Variants in RGS7 observed in about 807,000 individuals in gnomAD.
RGS7 encodes regulator of G protein signaling 7.
In RGS7, 27 loss-of-function variants were observed where a neutral mutation model predicts 81.1. The ratio of observed to expected loss-of-function variants is 0.33; its 90% CI spans 0.25 to 0.46. The LOEUF (loss-of-function observed/expected upper bound fraction) is 0.46, where lower values mean the gene tolerates loss of function less well. Among genes scored for constraint, RGS7 ranks in the 20% least tolerant of loss-of-function variants. The pLI is 1.00. For missense variants in RGS7, 396 were observed against 607.4 expected (o/e 0.65, Z 3.66); for synonymous variants, 208 against 207.7 (o/e 1.00, Z -0.01).
intron 2 of RGS7, among the ~76,000 whole-genome samples, chr1:241,319,881 A>G (rs2081110254): frequency 6.6e-6 from 1 of 152,222 alleles, no homozygotes; most frequent in South Asian, 2.1e-4. Flanking sequence ...TCACGAGGTC[A>G]GGAGTTCGAG....
Position 240,972,711 on chromosome 1 carries a change from C to A in RGS7, c.226+10368G>T, listed in dbSNP as rs12562261. ...TAAAGTATAATAAAAAAAAAAAAAA[C>A]AAAAAAAAAAACCCAAAAAGGTGCA... On this transcript the variant is annotated intron_variant, in intron 4 of 18. Transcript: ENST00000440928. 5.4e-3 allele frequency among the ~76,000 whole-genome samples: 607 copies of A among 113,134 alleles called. 3 individuals are homozygous for A. The highest frequency in any genetic ancestry group is 0.017 in the African/African-American group (522 of 30,550). The allele number at this position is 113,134 out of a possible 152,430, so 74.2% of individuals were successfully genotyped here.
At chr1:241,174,964 G>T (rs1476595786) in intron 2 of RGS7, among the ~76,000 whole-genome samples, 1 of 131,920 alleles carries the variant, frequency 7.6e-6, no homozygotes, top group African/African-American at 2.8e-5. Context: ...GTGCAGTGGC[G>T]CAATCTCGGC....
chr1:240,824,034 T>C (rs112345499), intron 10 of RGS7, among the ~76,000 whole-genome samples: 5,515 of 152,238 alleles, frequency 0.036, 317 homozygotes, highest in African/African-American at 0.12. Flanking sequence ...TTCCTTATAT[T>C]GTAGTAAAGT....
At chr1:241,324,345 A>AAC (rs2081375447) in intron 2 of RGS7, among the ~76,000 whole-genome samples, 1 of 151,252 alleles carries the variant, frequency 6.6e-6, no homozygotes. Context: ...AAAAAAACAA[A>AAC]AAAAAAAGCA....
rs1048482731 is a variant in RGS7, at chr1:241,266,021, C to T, written c.78+89678G>A. 4.6e-5 allele frequency among the ~76,000 whole-genome samples: 7 copies of T among 151,984 alleles called. No individual in the cohort carries two copies. In the East Asian group the frequency reaches 5.8e-4, roughly 13 times the overall value. The stretch of plus-strand genomic sequence containing the variant: ...GTTGGTCAGGCTGGTCTCGAACTCC[C>T]GACCTCAGGTGATCCACCTACCTCG... On this transcript the variant is annotated intron_variant, in intron 2 of 18. Transcript: ENST00000440928.
At chr1:240,879,786 T>C (rs1301128824) in intron 6 of RGS7, among the ~76,000 whole-genome samples, 1 of 152,206 alleles carries the variant, frequency 6.6e-6, no homozygotes, top group African/African-American at 2.4e-5. Flanking sequence ...CTCCAGTCTT[T>C]CCAACTTTTT....
chr1:241,255,614 G>C (rs2148243421), intron 2 of RGS7, among the ~76,000 whole-genome samples: 1 of 152,314 alleles, frequency 6.6e-6, no homozygotes, highest in Non-Finnish European at 1.5e-5. Flanking sequence ...CCACCATCCT[G>C]GTTGAAGCAG....
At chr1:241,016,660 G>A (rs1227070336) in intron 3 of RGS7, among the ~76,000 whole-genome samples, 1 of 152,060 alleles carries the variant, frequency 6.6e-6, no homozygotes, top group African/African-American at 2.4e-5. Context: ...GAGAGACCTG[G>A]GACTAGAGTA....
At chr1:240,831,884 G>A (rs777836525) in intron 9 of RGS7, among the ~76,000 whole-genome samples, 25 of 152,022 alleles carry the variant, frequency 1.6e-4, no homozygotes, top group Non-Finnish European at 2.8e-4. Context: ...TGATCCACCC[G>A]CCTTGGCCTC....
At chr1:241,063,911 C>T (rs762613785) in intron 3 of RGS7, among the ~76,000 whole-genome samples, 3 of 152,116 alleles carry the variant, frequency 2.0e-5, no homozygotes, top group South Asian at 4.1e-4. Flanking sequence ...AAGCCGGGCG[C>T]GGTGGCTCAC....
At chr1:241,097,525 T>C (rs886868570) in intron 3 of RGS7, among the ~76,000 whole-genome samples, 1 of 152,080 alleles carries the variant, frequency 6.6e-6, no homozygotes, top group African/African-American at 2.4e-5. Flanking sequence ...ATCATGAATA[T>C]TCTCTTGATC....
chr1:241,305,812 G>T, intron 2 of RGS7: 1 of 294,552 alleles, frequency 3.4e-6, no homozygotes. Context: ...CCGCTTGGCT[G>T]TGCCTTGGTT....
chr1:240,952,582 G>A (rs559429413), intron 4 of RGS7, among the ~76,000 whole-genome samples: 1 of 152,018 alleles, frequency 6.6e-6, no homozygotes, highest in Non-Finnish European at 1.5e-5. Flanking sequence ...AAAAAGAAGG[G>A]GGGAAAAGAC....
rs1363606149 is a variant in RGS7, at chr1:240,868,108, A to AAAG, written c.609+478_609+479insCTT. ...AAAAAGAAAGAAAAGAAAAAGAAAG[A>AAAG]AAAGAAAAGGAAAGAAAGAAAGAAA... On this transcript the variant is annotated intron_variant, in intron 9 of 18. Transcript: ENST00000440928. The surrounding 1 kb of genome is among the most constrained non-coding windows in gnomAD (Gnocchi z 5.1). Among the ~76,000 whole-genome samples the AAAG allele has an allele frequency of 3.0e-5, 3 of 98,486 alleles. No homozygotes were observed. Among genetic ancestry groups the AAAG allele is most frequent in the Non-Finnish European group, 4.4e-5 (2 of 45,360 alleles). The allele number at this position is 98,486 out of a possible 152,430, so 64.6% of individuals were successfully genotyped here. A position where few individuals can be genotyped will look rare whatever the true frequency, so the allele number is the denominator to read the frequency against.
intron 9 of RGS7, among the ~76,000 whole-genome samples, chr1:240,838,382 T>C (rs1449203350): frequency 6.6e-6 from 1 of 152,178 alleles, no homozygotes; most frequent in Non-Finnish European, 1.5e-5. Flanking sequence ...ATTCAACACA[T>C]GAATTTGGGG....
intron 3 of RGS7, among the ~76,000 whole-genome samples, chr1:241,030,680 T>A (rs571569043): frequency 6.6e-6 from 1 of 152,054 alleles, no homozygotes; most frequent in Non-Finnish European, 1.5e-5. Flanking sequence ...GCCACTATCA[T>A]CTCTCCCCTG....
chr1:241,243,467 T>A (rs2076361284), intron 2 of RGS7, among the ~76,000 whole-genome samples: 1 of 152,158 alleles, frequency 6.6e-6, no homozygotes, highest in Non-Finnish European at 1.5e-5. Flanking sequence ...AATGAAAGGA[T>A]CACATGACTA....
At chr1:240,926,223 A>G (rs1348818742) in intron 6 of RGS7, among the ~76,000 whole-genome samples, 1 of 152,118 alleles carries the variant, frequency 6.6e-6, no homozygotes, top group Non-Finnish European at 1.5e-5. Context: ...TACCAAGGCC[A>G]TTGTCCAGAA....
intron 2 of RGS7, among the ~76,000 whole-genome samples, chr1:241,221,092 A>G (rs199925484): frequency 2.5e-3 from 345 of 138,474 alleles, no homozygotes; most frequent in African/African-American, 6.7e-3. Context: ...AGGAAGGAAG[A>G]AAGGAAGGAA....
Sources: allele counts gnomAD v4.1 joint callset (sites outside exome capture counted in the v4.1 genomes callset), GRCh38; gene constraint gnomAD v4.1.1; non-coding constraint Gnocchi (gnomAD v3.1); transcripts MANE v1.5; gene names NCBI Gene and HGNC (gene_info 2026-07-23, HGNC 2026-07-21).